The following DENND2A variants were observed in gnomAD, a reference collection of about 807,000 sequenced individuals.
DENND2A encodes DENN domain-containing protein 2A.
DENND2A carries 53 observed loss-of-function variants against 105.3 expected under a neutral mutation model. The observed-to-expected ratio is 0.50, with a 90% confidence interval of 0.40 to 0.63. The LOEUF is 0.63. Among genes scored for constraint, DENND2A ranks in the 30% least tolerant of loss-of-function variants. DENND2A has a pLI of 0.00. For synonymous variants in DENND2A, 522 were observed against 508.4 expected (o/e 1.03, Z -0.36); for missense variants, 1,138 against 1,279.6 (o/e 0.89, Z 1.69).
chr7:140,566,900 C>T (rs1221390039), intron 9 of DENND2A, among the ~76,000 whole-genome samples, 186 bp downstream of exon 9: 1 of 151,976 alleles, frequency 6.6e-6, no homozygotes. Flanking sequence ...TCTCTCCTTT[C>T]TGGGACCTCC....
Position 140,522,007 on chromosome 7 carries a change from G to A in DENND2A, c.2759C>T (p.Ser920Leu), listed in dbSNP as rs371591723. ...IVGHYSLFLT[S>L]GEREERTLQR... ...CAGGGTTCTCTCCTCACGCTCGCCC[G>A]ACGTCAGGAACAAAGAGTAGTGTCC... Residue 920 changes from serine to leucine, a missense_variant, in exon 18 of 20, where the codon TCG becomes TTG. Physicochemically the swap from Ser to Leu is moderately radical, Grantham distance 145. Around this residue, in one of 2 missense-constraint regions of DENND2A, gnomAD observed 627 missense variants for 779.8 expected, o/e 0.80. Coordinates refer to ENST00000496613, the MANE Select transcript of DENND2A (RefSeq NM_015689.5). The A allele has an allele frequency of 5.0e-5, 81 of 1,614,068 alleles. No homozygotes were observed. The highest frequency in any genetic ancestry group is 1.6e-4 in the Middle Eastern group (1 of 6,084).
chr7:140,546,925 CA>C lies in DENND2A; in HGVS notation c.2051del (p.Val684GlyfsTer16). 6.2e-7 allele frequency: 1 copy of C among 1,613,436 alleles called. No homozygotes were observed. Among genetic ancestry groups the C allele is most frequent in the Non-Finnish European group, 8.5e-7 (1 of 1,179,594 alleles). On this transcript the variant is annotated frameshift_variant, in exon 13 of 20. Transcript: ENST00000496613. LOFTEE classifies it high-confidence loss of function. ...FSLFSRILDE[V>X]EKRRGISPAL... ...CAGGAGAGATGCCTCGTCTTTTTTC[CA>C]CCTCATCCAAGATCTGCAAGGGTCA... is the stretch of plus-strand genomic sequence containing the variant.
chr7:140,636,249 T>G (rs2130746132), intron 1 of DENND2A, among the ~76,000 whole-genome samples: 1 of 152,262 alleles, frequency 6.6e-6, no homozygotes, highest in Non-Finnish European at 1.5e-5. Flanking sequence ...CGAAAGGCGC[T>G]GCACAATGAA....
At chr7:140,579,311 T>TA (rs1798437612) in intron 5 of DENND2A, among the ~76,000 whole-genome samples, 1 of 149,866 alleles carries the variant, frequency 6.7e-6, no homozygotes, top group Admixed American at 6.7e-5. Flanking sequence ...ATAATAATAA[T>TA]AATAAAAAGA....
chr7:140,602,883 G>A (rs944733913), intron 2 of DENND2A, among the ~76,000 whole-genome samples: 4 of 152,120 alleles, frequency 2.6e-5, no homozygotes, highest in African/African-American at 9.7e-5. Flanking sequence ...GAGCAATCGG[G>A]TTTAGGAGTC....
rs377002476 is a variant in DENND2A at position 140,525,827 on chromosome 7, C to G, written c.2506-35G>C. The G allele has an allele frequency of 2.1e-5, 33 of 1,573,092 alleles. No homozygotes were observed. The African/African-American group carries it at 3.8e-4, about 18-fold the overall frequency. ...GAGACGAAAGGGACTGTTACTGTCA[C>G]CAGGGCTTCTGGGATAGGGATGGAC... On this transcript the variant is annotated intron_variant, in intron 15 of 19. Coordinates refer to ENST00000496613, the MANE Select transcript of DENND2A (RefSeq NM_015689.5).
At chr7:140,623,709 G>A (rs1280988661) in intron 1 of DENND2A, among the ~76,000 whole-genome samples, 3 of 138,476 alleles carry the variant, frequency 2.2e-5, no homozygotes, top group Non-Finnish European at 4.6e-5. Context: ...GACAGAGCAA[G>A]ACTCCGTCTA....
rs767742397 is a variant in DENND2A at position 140,585,567 on chromosome 7, A to G, written c.1245+22T>C. On this transcript the variant is annotated intron_variant, in intron 5 of 19. Transcript: ENST00000496613. ...CCATGCTTTGGCCCCCTCTCCTGCC[A>G]CCATTCCCAGGGGACTCATACCTTG... The G allele has an allele frequency of 1.7e-5, 27 of 1,613,682 alleles. No individual in the cohort carries two copies. In the Admixed American group the frequency reaches 2.7e-4, roughly 16 times the overall value.
intron 2 of DENND2A, among the ~76,000 whole-genome samples, chr7:140,604,699 G>A (rs769209140): frequency 7.2e-5 from 11 of 152,192 alleles, no homozygotes; most frequent in South Asian, 2.1e-4. Context: ...TATATGCTGT[G>A]AGGCACTATG....
intron 13 of DENND2A, 176 bp from the exon 14 acceptor site, chr7:140,544,942 A>C: frequency 1.9e-4 from 157 of 815,496 alleles, no homozygotes; most frequent in Non-Finnish European, 2.2e-4. Flanking sequence ...ATGCCAGAAG[A>C]CGGGGGGCGG....
In DENND2A at chr7:140,518,727, T is replaced by C; in HGVS notation, c.3010A>G (p.Lys1004Glu). Residue 1004 changes from lysine (K) to glutamate (E), a missense_variant, in exon 20 of 20, where the codon AAA (lysine) becomes GAA (glutamate). Lys to Glu is a moderately conservative substitution (Grantham distance 56, BLOSUM62 1). Transcript: ENST00000496613. Reference protein sequence around the residue: ...KFLKGLGNKMKFLHKK With the variant: ...KFLKGLGNKMEFLHKK Reference sequence around the variant, plus strand: ...GAGAGTTATTTCTTGTGGAGAAATTTCATTTTATTGCCTAAAAAAAAGGAA... The same window carrying C: ...GAGAGTTATTTCTTGTGGAGAAATTCCATTTTATTGCCTAAAAAAAAGGAA... The C allele has an allele frequency of 6.2e-7, 1 of 1,613,834 alleles. No homozygotes were observed. Among genetic ancestry groups the C allele is most frequent in the Non-Finnish European group, 8.5e-7 (1 of 1,179,716 alleles).
Position 140,588,501 on chromosome 7 carries a change from A to C in DENND2A, c.996-721T>G, listed in dbSNP as rs1798877843. On this transcript the variant is annotated intron_variant, in intron 3 of 19. Transcript: ENST00000496613. ...AGGCTTGTGACTAAGGATATGGAAC[A>C]GTCCTTATTATAGTACAGATAGTCC... is the stretch of plus-strand genomic sequence containing the variant. Among the ~76,000 whole-genome samples, 3 of 152,162 alleles carry C rather than the reference A, an allele frequency of 2.0e-5. No homozygotes were observed. The South Asian group carries it at 6.2e-4, about 32-fold the overall frequency.
intron 12 of DENND2A, among the ~76,000 whole-genome samples, chr7:140,549,299 C>T (rs1316235313): frequency 2.0e-5 from 3 of 151,430 alleles, no homozygotes; most frequent in African/African-American, 4.9e-5. Flanking sequence ...CTTGCTCTGT[C>T]GCCCAGGCTG....
chr7:140,560,802 C>T (rs1585634211), intron 9 of DENND2A, among the ~76,000 whole-genome samples: 2 of 151,958 alleles, frequency 1.3e-5, no homozygotes, highest in East Asian at 3.9e-4. Context: ...GGTGTGGTGG[C>T]CGGCACCTGT....
chr7:140,566,963 C>T, intron 9 of DENND2A, 123 bp downstream of exon 9: 1 of 870,520 alleles, frequency 1.1e-6, no homozygotes, highest in Non-Finnish European at 1.7e-6. Flanking sequence ...CTAATTAGGA[C>T]CCATTTTCAA....
chr7:140,618,099 A>G (rs1435379227), intron 1 of DENND2A, among the ~76,000 whole-genome samples: 3 of 152,228 alleles, frequency 2.0e-5, no homozygotes, highest in East Asian at 1.9e-4. Context: ...AGAAAGACTC[A>G]GTGGCGTCAG....
intron 12 of DENND2A, among the ~76,000 whole-genome samples, chr7:140,552,675 G>A (rs1797186062): frequency 6.6e-6 from 1 of 152,078 alleles, no homozygotes; most frequent in African/African-American, 2.4e-5. Flanking sequence ...TAGGATTACA[G>A]CTGTGAGCCA....
At chr7:140,573,384 T>G (rs1798172627) in intron 6 of DENND2A, among the ~76,000 whole-genome samples, 1 of 152,196 alleles carries the variant, frequency 6.6e-6, no homozygotes, top group Admixed American at 6.5e-5. Flanking sequence ...TTTACCTTTT[T>G]GGCTGCAAAG....
chr7:140,567,349 A>G, intron 8 of DENND2A, 76 bp from the exon 9 acceptor site: 1 of 1,299,514 alleles, frequency 7.7e-7, no homozygotes, highest in Non-Finnish European at 1.0e-6. Flanking sequence ...AGAGAGACAG[A>G]GTGAGCAAAG....
Sources: allele counts gnomAD v4.1 joint callset (sites outside exome capture counted in the v4.1 genomes callset), GRCh38; gene constraint gnomAD v4.1.1; regional missense constraint gnomAD v4.1.1; transcripts MANE v1.5; gene names NCBI Gene and HGNC (gene_info 2026-07-23, HGNC 2026-07-21).